ERGIC3: variants seen among roughly 807,000 people sequenced by gnomAD.
ERGIC3 encodes endoplasmic reticulum-Golgi intermediate compartment protein 3.
Under a neutral mutation model 54.7 loss-of-function variants are expected in ERGIC3, and 33 were observed. The observed-to-expected ratio is 0.60, with a 90% CI of 0.46 to 0.81. ERGIC3 has a LOEUF of 0.81. Ranked by LOEUF, ERGIC3 falls within the 30% of genes least tolerant of loss-of-function variation. The pLI, the probability that ERGIC3 is intolerant of heterozygous loss-of-function variation, is 0.00. For missense variants in ERGIC3, 399 were observed against 488.4 expected, an observed-to-expected ratio of 0.82 and a Z score of 1.73; for synonymous variants, 186 against 189.8, an observed-to-expected ratio of 0.98 and a Z score of 0.16.
chr20:35,551,367 G>A (rs1248940646), intron 7 of ERGIC3, among the ~76,000 whole-genome samples: 1 of 151,960 alleles, frequency 6.6e-6, no homozygotes, highest in East Asian at 1.9e-4. Flanking sequence ...TTAGATGTTC[G>A]GAAATGGGAT....
At chr20:35,554,926 G>A (rs2064702848) in intron 7 of ERGIC3, 118 bp from the exon 8 acceptor site, 1 of 1,248,484 alleles carries the variant, frequency 8.0e-7, no homozygotes, top group Non-Finnish European at 1.2e-6. Context: ...GTGCCAGGCT[G>A]GAGAAGGAAT....
intron 1 of ERGIC3, 27 bp downstream of exon 1, chr20:35,542,212 G>T: frequency 1.3e-6 from 2 of 1,587,844 alleles, no homozygotes; most frequent in South Asian, 1.1e-5. Flanking sequence ...CCGGGGTCGC[G>T]TGGAGGGGGG....
intron 7 of ERGIC3, among the ~76,000 whole-genome samples, chr20:35,553,697 A>G (rs1316293899): frequency 1.3e-5 from 2 of 152,030 alleles, no homozygotes; most frequent in African/African-American, 4.8e-5. Context: ...GACCCTGCAG[A>G]GCTCTGGGAC....
Position 35,555,043 on chromosome 20 carries a change from G to A in ERGIC3, c.686-1G>A, listed in dbSNP as rs761186272. The A allele has an allele frequency of 6.2e-7, 1 of 1,612,854 alleles. No homozygotes were observed. Among genetic ancestry groups the A allele is most frequent in the Non-Finnish European group, 8.5e-7 (1 of 1,179,750 alleles). On this transcript the variant is annotated splice_acceptor_variant, in intron 7 of 12. Transcript: ENST00000348547. LOFTEE classifies it high-confidence loss of function. ...CCCTTGCCTTCTCCCTTCTCTCCTA[G>A]TCCATGACTTGCAGAGCTTTGGCCT...
At chr20:35,556,157 C>T (rs1332299371) in intron 9 of ERGIC3, 28 bp downstream of exon 9, 19 of 1,614,122 alleles carry the variant, frequency 1.2e-5, no homozygotes, top group East Asian at 4.5e-5. Flanking sequence ...AGCCCCCAGC[C>T]GCAGAAGGCC....
At chr20:35,556,370 T>C (rs2064712355) in intron 10 of ERGIC3, 99 bp downstream of exon 10, 1 of 1,281,244 alleles carries the variant, frequency 7.8e-7, no homozygotes, top group Non-Finnish European at 1.1e-6. Flanking sequence ...AGCTGCCTCG[T>C]CCTCACATGG....
rs1410752581 is a variant in ERGIC3 at position 35,548,581 on chromosome 20, T to C, written c.534T>C (p.Thr178=). The C allele has an allele frequency of 6.2e-7, 1 of 1,614,204 alleles. No individual in the cohort carries two copies. Among genetic ancestry groups the C allele is most frequent in the East Asian group, 2.2e-5 (1 of 44,876 alleles). The change falls in exon 6 of 13, where the codon ACT becomes ACC. Residue 178 remains threonine, a synonymous_variant. Coordinates refer to ENST00000348547, the MANE Select transcript of ERGIC3 (RefSeq NM_015966.3). ...RRGWAFKNPD[T]IEQCRREGFS... The stretch of plus-strand genomic sequence containing the variant: ...GCTGGGCCTTCAAGAACCCAGATAC[T>C]ATTGAGCAGTGCCGGCGAGAGGGCT...
At chr20:35,542,750 C>T in intron 3 of ERGIC3, 72 bp from the exon 4 acceptor site, 1 of 1,612,574 alleles carries the variant, frequency 6.2e-7, no homozygotes, top group South Asian at 1.1e-5. Context: ...CCCAGTATCC[C>T]CTTCCCCTCC....
intron 7 of ERGIC3, among the ~76,000 whole-genome samples, chr20:35,550,788 C>T (rs1346259914): frequency 6.6e-6 from 1 of 152,134 alleles, no homozygotes; most frequent in Non-Finnish European, 1.5e-5. Context: ...GTGGACAAGA[C>T]TGGGCAGGGG....
chr20:35,546,205 TG>T (rs1428113766), intron 4 of ERGIC3, among the ~76,000 whole-genome samples: 2 of 152,146 alleles, frequency 1.3e-5, no homozygotes, highest in Non-Finnish European at 2.9e-5. Context: ...ATTTTGATAC[TG>T]TTGAGGATGA....
At chr20:35,555,507 A>T (rs3790136) in intron 8 of ERGIC3, among the ~76,000 whole-genome samples, 31,129 of 152,052 alleles carry the variant, frequency 0.2, 3,570 homozygotes, top group South Asian at 0.29. Context: ...TTTGCATTTT[A>T]GGAAAGATCC....
In ERGIC3 at chr20:35,548,855, C is replaced by G; in HGVS notation, c.675C>G (p.Ser225=). 6.2e-7 allele frequency: 1 copy of G among 1,614,186 alleles called. No individual in the cohort carries two copies. The highest frequency in any genetic ancestry group is 8.5e-7 in the Non-Finnish European group (1 of 1,180,020). The change falls in exon 7 of 13, where the codon TCC becomes TCG. Residue 225 remains serine, a synonymous_variant. Transcript: ENST00000348547. Reference sequence around the variant, plus strand: ...CCCCTGGGAAGAGCTTCCAGCAGTCCCATGTGCACGGTGAGTGATCTGCAC... The same window carrying G: ...CCCCTGGGAAGAGCTTCCAGCAGTCGCATGTGCACGGTGAGTGATCTGCAC... ...HFAPGKSFQQ[S]HVHVHDLQSF...
At chr20:35,552,012 G>A (rs1286649110) in intron 7 of ERGIC3, among the ~76,000 whole-genome samples, 2 of 152,136 alleles carry the variant, frequency 1.3e-5, no homozygotes, top group African/African-American at 2.4e-5. Flanking sequence ...GGAAATTATC[G>A]ACTAAAGAGC....
chr20:35,557,028 T>G lies in ERGIC3; in HGVS notation c.935T>G (p.Leu312Arg). ...AGACATGAGAAGGTTGCCAATGGGC[T>G]GTTGGGCGACCAAGGCCTTCCCGGA... The part of the protein sequence containing the change: ...VTRHEKVANG[L>R]LGDQGLPGVF... Residue 312 changes from leucine to arginine, a missense_variant, in exon 11 of 13, where the codon CTG (leucine) becomes CGG (arginine). By Grantham distance (102) the Leu-to-Arg change is moderately radical (BLOSUM62 -2). Coordinates refer to ENST00000348547, the MANE Select transcript of ERGIC3 (RefSeq NM_015966.3). The G allele has an allele frequency of 2.5e-6, 4 of 1,614,230 alleles. No individual in the cohort carries two copies. The highest frequency in any genetic ancestry group is 2.5e-6 in the Non-Finnish European group (3 of 1,180,032).
At position 35,557,450 on chromosome 20, in the gene ERGIC3, C is replaced by T; in HGVS notation, c.1098C>T (p.Ile366=). 12 of 1,614,172 alleles carry T rather than the reference C, an allele frequency of 7.4e-6. No individual in the cohort carries two copies. The highest frequency in any genetic ancestry group is 1.0e-5 in the Non-Finnish European group (12 of 1,180,022). The change falls in exon 13 of 13, where the codon ATC becomes ATT. Residue 366 remains isoleucine, a synonymous_variant. Transcript: ENST00000348547. Reference sequence around the variant, plus strand: ...TGGCTGGACTCATCGATTCGCTCATCTACCACTCAGCACGAGCCATCCAGA... The same window carrying T: ...TGGCTGGACTCATCGATTCGCTCATTTACCACTCAGCACGAGCCATCCAGA... ...FTVAGLIDSL[I]YHSARAIQKK...
chr20:35,543,083 C>A (rs66532338), intron 4 of ERGIC3, 142 bp downstream of exon 4: 21,602 of 1,228,480 alleles, frequency 0.018, 268 homozygotes, highest in Non-Finnish European at 0.021. Context: ...CTAGGGTCCC[C>A]CAGCTAGTAA....
intron 7 of ERGIC3, chr20:35,549,450 ATATT>A (rs2064670074): frequency 2.9e-6 from 1 of 346,952 alleles, no homozygotes; most frequent in South Asian, 2.2e-5. Flanking sequence ...CATTCACAAA[ATATT>A]TAGTAATCAC....
At chr20:35,555,985 C>T (rs761259342) in intron 8 of ERGIC3, 48 bp from the exon 9 acceptor site, 48 of 1,579,798 alleles carry the variant, frequency 3.0e-5, no homozygotes, top group Non-Finnish European at 4.1e-5. Context: ...TCCCTGTCTG[C>T]TACTGTCATC....
At position 35,547,451 on chromosome 20, in the gene ERGIC3, C is replaced by T. The variant is rs1305916485; in HGVS notation, c.407C>T (p.Ser136Phe). 6.2e-7 allele frequency: 1 copy of T among 1,614,162 alleles called. No individual in the cohort carries two copies. Among genetic ancestry groups the T allele is most frequent in the Non-Finnish European group, 8.5e-7 (1 of 1,180,028 alleles). Residue 136 changes from serine to phenylalanine, a missense_variant, in exon 5 of 13, where the codon TCC (serine) becomes TTC (phenylalanine). Transcript: ENST00000348547. ...KVEVTVFDPD[S>F]LDPDRCESCY... ...GAGGTGACGGTGTTTGACCCTGACT[C>T]CCTGGACCCTGATCGCTGTGAGAGC...
Sources: allele counts gnomAD v4.1 joint callset (sites outside exome capture counted in the v4.1 genomes callset), GRCh38; gene constraint gnomAD v4.1.1; transcripts MANE v1.5; gene names NCBI Gene and HGNC (gene_info 2026-07-23, HGNC 2026-07-21).